CLIP3: variants seen among roughly 807,000 people sequenced by gnomAD.
CLIP3 encodes CAP-Gly domain containing linker protein 3, also known as CAP-Gly domain-containing linker protein 3.
In CLIP3, 15 loss-of-function variants were observed where a neutral mutation model predicts 59.4. The ratio of observed to expected loss-of-function variants is 0.25; its 90% confidence interval spans 0.17 to 0.39. The LOEUF is 0.39. CLIP3 is among the 10% of genes least tolerant of loss of function. The probability of loss-of-function intolerance (pLI) is 1.00; values close to 1 mark genes in which losing one functional copy is unlikely to be tolerated. For missense variants in CLIP3, 495 were observed against 765.7 expected (o/e 0.65, Z 4.17); for synonymous variants, 300 against 321.6 (o/e 0.93, Z 0.72).
In CLIP3 at chr19:36,027,053, T is replaced by A; in HGVS notation, c.307-8A>T. 6.2e-7 allele frequency: 1 copy of A among 1,601,760 alleles called. No individual in the cohort carries two copies. Among genetic ancestry groups the A allele is most frequent in the Non-Finnish European group, 8.5e-7 (1 of 1,175,892 alleles). ...GCAGCCTCGGCGCAGAATCTGTGAGTACCAGGGGAGCAGGGAGGGTCACCC... is the reference window on the plus strand; with the variant it reads ...GCAGCCTCGGCGCAGAATCTGTGAGAACCAGGGGAGCAGGGAGGGTCACCC... On this transcript the variant is annotated splice_polypyrimidine_tract_variant and splice_region_variant and intron_variant, in intron 3 of 13. Coordinates refer to ENST00000360535, the MANE Select transcript of CLIP3 (RefSeq NM_015526.3).
intron 9 of CLIP3, 111 bp downstream of exon 9, chr19:36,018,787 G>A: frequency 1.4e-6 from 2 of 1,417,622 alleles, no homozygotes; most frequent in South Asian, 1.3e-5. Flanking sequence ...CTCAGAGCTT[G>A]TCTTCCAAAA....
intron 11 of CLIP3, 100 bp from the exon 12 acceptor site, chr19:36,017,550 CG>C: frequency 6.3e-7 from 1 of 1,596,088 alleles, no homozygotes; most frequent in South Asian, 1.1e-5. Context: ...GCTGGGGGCT[CG>C]GGGGTGTCCA....
chr19:36,016,293 G>C lies in CLIP3; in HGVS notation c.1590-81C>G. ...CCCATCACCCCCAGCCTTTCCCCCA[G>C]TGTTTGCTATCAGGCCTTTCTGGAT... On this transcript the variant is annotated intron_variant, in intron 13 of 13. Coordinates refer to ENST00000360535, the MANE Select transcript of CLIP3 (RefSeq NM_015526.3). The surrounding 1 kb of genome is among the most constrained non-coding windows in gnomAD (Gnocchi z 4.1). The C allele has an allele frequency of 6.6e-7, 1 of 1,524,324 alleles. No homozygotes were observed. Among genetic ancestry groups the C allele is most frequent in the South Asian group, 1.1e-5 (1 of 87,882 alleles). 94.4% of individuals were successfully genotyped at this position (1,524,324 alleles called of 1,614,324 possible). A position where few individuals can be genotyped will look rare whatever the true frequency, so the allele number is the denominator to read the frequency against.
At chr19:36,031,047 A>G (rs548606960) in intron 2 of CLIP3, among the ~76,000 whole-genome samples, 9 of 79,736 alleles carry the variant, frequency 1.1e-4, no homozygotes, top group Non-Finnish European at 2.1e-4. Context: ...TTTTTGAGAC[A>G]GTCTTACTCT....
Position 36,019,602 on chromosome 19 carries a change from TA to T in CLIP3, c.919-297del, listed in dbSNP as rs200230911. Among the ~76,000 whole-genome samples, 8 of 102,520 alleles carry T rather than the reference TA, an allele frequency of 7.8e-5. No individual in the cohort carries two copies. In the South Asian group the frequency reaches 8.3e-4, roughly 11 times the overall value. 67.3% of individuals were successfully genotyped at this position (102,520 alleles called of 152,430 possible). On this transcript the variant is annotated intron_variant, in intron 7 of 13. Coordinates refer to ENST00000360535, the MANE Select transcript of CLIP3 (RefSeq NM_015526.3). ...TGTAAATTTATTTATTTATTTATTT[TA>T]TTTATTTTTTTTTTTTTCGAGACAG... is the stretch of plus-strand genomic sequence containing the variant.
At chr19:36,025,061 G>A (rs1324649910) in intron 6 of CLIP3, among the ~76,000 whole-genome samples, 17 of 148,172 alleles carry the variant, frequency 1.1e-4, no homozygotes, top group South Asian at 4.3e-4. Flanking sequence ...GCGAGACTCC[G>A]TCTCAAAAAA....
chr19:36,017,612 C>G (rs370536919), intron 11 of CLIP3, 43 bp downstream of exon 11: 5 of 1,611,972 alleles, frequency 3.1e-6, no homozygotes, highest in Non-Finnish European at 4.2e-6. Flanking sequence ...GGGATCAGGG[C>G]TCCAGGTGGT....
intron 6 of CLIP3, among the ~76,000 whole-genome samples, chr19:36,024,952 G>C (rs1969058535): frequency 1.3e-5 from 2 of 151,650 alleles, no homozygotes; most frequent in African/African-American, 4.8e-5. Context: ...TGTAATCCCA[G>C]CTACTCGGGA....
chr19:36,027,907 G>T (rs568929522), intron 2 of CLIP3, among the ~76,000 whole-genome samples: 1 of 151,954 alleles, frequency 6.6e-6, no homozygotes. Context: ...GTGGTGGTGC[G>T]CATTGGTGCT....
chr19:36,032,011 CAAT>C lies in CLIP3; in HGVS notation c.166+178_166+180del, dbSNP rs990749820. On this transcript the variant is annotated intron_variant, in intron 2 of 13. Transcript: ENST00000360535. The surrounding 1 kb of genome is among the most constrained non-coding windows in gnomAD (Gnocchi z 4.3). ...CATGAGTCAAAGACTAGGAGTATTA[CAAT>C]TCCATTCTCCAATGGGTGAATGAAT... The C allele has an allele frequency of 4.9e-6, 2 of 405,664 alleles. No individual in the cohort carries two copies. The highest frequency in any genetic ancestry group is 2.1e-5 in the African/African-American group (1 of 48,568). The allele number at this position is 405,664 out of a possible 1,614,324, so 25.1% of individuals were successfully genotyped here.
chr19:36,032,585 C>T lies in CLIP3; in HGVS notation c.-59+139G>A, dbSNP rs1048399655. 16 of 368,540 alleles carry T rather than the reference C, an allele frequency of 4.3e-5. No individual in the cohort carries two copies. Among genetic ancestry groups the T allele is most frequent in the Non-Finnish European group, 6.3e-5 (13 of 207,380 alleles). 22.8% of individuals were successfully genotyped at this position (368,540 alleles called of 1,614,324 possible). A position where few individuals can be genotyped will look rare whatever the true frequency, so the allele number is the denominator to read the frequency against. On this transcript the variant is annotated intron_variant, in intron 1 of 13. Coordinates refer to ENST00000360535, the MANE Select transcript of CLIP3 (RefSeq NM_015526.3). This position sits in a 1 kb window ranked among gnomAD's most constrained non-coding sequence, Gnocchi z 4.3. ...TGTGCGCCCAGCGCCTGCCACCTCC[C>T]CCAGGCCCAGCCCCCCATTCTTCTC...
Position 36,017,428 on chromosome 19 carries a change from G to A in CLIP3, c.1474C>T (p.Pro492Ser). Residue 492 changes from proline (P) to serine (S), a missense_variant, in exon 12 of 14, where the codon CCC becomes TCC. Transcript: ENST00000360535. The part of the protein sequence containing the change: ...IQRIGGSTDS[P>S]GDSVGAKKVH... ...TTTTTGGCTCCAACGCTGTCCCCGGGGGAATCAGTGGATCCGCCAATCCTG... is the reference window on the plus strand; with the variant it reads ...TTTTTGGCTCCAACGCTGTCCCCGGAGGAATCAGTGGATCCGCCAATCCTG... 1 of 1,614,186 alleles carries A rather than the reference G, an allele frequency of 6.2e-7. No homozygotes were observed. Among genetic ancestry groups the A allele is most frequent in the Non-Finnish European group, 8.5e-7 (1 of 1,180,038 alleles).
chr19:36,031,008 C>CTTTTTTTTTTTTTTCTTTTTTTTTTTTTT (rs1196286069), intron 2 of CLIP3, among the ~76,000 whole-genome samples: 2 of 77,834 alleles, frequency 2.6e-5, no homozygotes, highest in Admixed American at 1.7e-4. Context: ...TTTTTCTTTT[C>CTTTTTTTTTTTTTTCTTTTTTTTTTTTTT]TTTTTTTTTT....
chr19:36,027,386 G>A (rs1969142219), intron 2 of CLIP3, 115 bp from the exon 3 acceptor site: 2 of 1,150,724 alleles, frequency 1.7e-6, no homozygotes, highest in Non-Finnish European at 2.4e-6. Flanking sequence ...GTCTCAAGCT[G>A]GTGGCACATG....
Position 36,019,598 on chromosome 19 carries a change from A to ATTTAT in CLIP3, c.919-293_919-292insATAAA, listed in dbSNP as rs1568540451. Among the ~76,000 whole-genome samples the ATTTAT allele has an allele frequency of 2.0e-4, 20 of 99,424 alleles. 2 individuals carry two copies. The highest frequency in any genetic ancestry group is 7.4e-4 in the African/African-American group (16 of 21,718). 65.2% of individuals were successfully genotyped at this position (99,424 alleles called of 152,430 possible). On this transcript the variant is annotated intron_variant, in intron 7 of 13. Coordinates refer to ENST00000360535, the MANE Select transcript of CLIP3 (RefSeq NM_015526.3). Reference sequence around the variant, plus strand: ...ACAATGTAAATTTATTTATTTATTTATTTTATTTATTTTTTTTTTTTTCGA... The same window carrying ATTTAT: ...ACAATGTAAATTTATTTATTTATTTATTTATTTTTATTTATTTTTTTTTTTTTCGA...
At chr19:36,018,765 A>T in intron 9 of CLIP3, 133 bp downstream of exon 9, 2 of 1,238,576 alleles carry the variant, frequency 1.6e-6, no homozygotes, top group South Asian at 2.9e-5. Context: ...ACTGAGTCAC[A>T]GAAGTCAGGA....
Position 36,015,949 on chromosome 19 carries a change from A to C in CLIP3, c.*209T>G. ...CTAGCCTGAAGGTGCTACTCAGGGA[A>C]TCTCTTTCTGGGTGACATGGGGTCT... is the stretch of plus-strand genomic sequence containing the variant. On this transcript the variant is annotated 3_prime_UTR_variant, in exon 14 of 14. Coordinates refer to ENST00000360535, the MANE Select transcript of CLIP3 (RefSeq NM_015526.3). The C allele has an allele frequency of 1.7e-6, 1 of 605,818 alleles. No homozygotes were observed. Among genetic ancestry groups the C allele is most frequent in the Non-Finnish European group, 3.0e-6 (1 of 335,828 alleles). 37.5% of individuals were successfully genotyped at this position (605,818 alleles called of 1,614,324 possible). A position where few individuals can be genotyped will look rare whatever the true frequency, so the allele number is the denominator to read the frequency against.
Position 36,017,751 on chromosome 19 carries a change from T to C in CLIP3, c.1355A>G (p.Gln452Arg). 1 of 1,614,118 alleles carries C rather than the reference T, an allele frequency of 6.2e-7. No homozygotes were observed. Among genetic ancestry groups the C allele is most frequent in the Non-Finnish European group, 8.5e-7 (1 of 1,180,012 alleles). ...PGYWYGIELD[Q>R]PTGKHDGSVF... is the part of the protein sequence containing the mutation. ...AGAGCCATCATGCTTGCCTGTGGGC[T>C]GGTCCAGCTCAATGCCATACCAGTA... Residue 452 changes from glutamine to arginine, a missense_variant, in exon 11 of 14, where the codon CAG (glutamine) becomes CGG (arginine). Around this residue, in one of 5 missense-constraint regions of CLIP3, gnomAD observed 179 missense variants for 226.2 expected, o/e 0.79. Coordinates refer to ENST00000360535, the MANE Select transcript of CLIP3 (RefSeq NM_015526.3).
chr19:36,017,905 C>T lies in CLIP3; in HGVS notation c.1270G>A (p.Val424Ile). ...AKAEVGDQVL[V>I]AGQKQGIVRF... ...ACGATCCCCTGCTTCTGGCCCGCGA[C>T]AAGGACCTGGTCTCCAACCTCAGCC... Residue 424 changes from valine (V) to isoleucine (I), a missense_variant, in exon 10 of 14, where the codon GTC (valine) becomes ATC (isoleucine). Val to Ile is a conservative substitution (Grantham distance 29). Around this residue, in one of 5 missense-constraint regions of CLIP3, gnomAD observed 179 missense variants for 226.2 expected, o/e 0.79. Transcript: ENST00000360535. 1 of 1,614,102 alleles carries T rather than the reference C, an allele frequency of 6.2e-7. No homozygotes were observed.
Sources: allele counts gnomAD v4.1 joint callset (sites outside exome capture counted in the v4.1 genomes callset), GRCh38; gene constraint gnomAD v4.1.1; regional missense constraint gnomAD v4.1.1; non-coding constraint Gnocchi (gnomAD v3.1); transcripts MANE v1.5; gene names NCBI Gene and HGNC (gene_info 2026-07-23, HGNC 2026-07-21).